Variants in MAP7D2 observed in about 807,000 individuals in gnomAD.
MAP7D2 encodes MAP7 domain-containing protein 2.
MAP7D2 carries 33 observed loss-of-function variants against 63.5 expected under a neutral mutation model. That is an observed-to-expected ratio of 0.52 (90% CI 0.39 to 0.70). The LOEUF is 0.70. Among genes scored for constraint, MAP7D2 ranks in the 30% least tolerant of loss-of-function variants. The pLI is 0.00. For missense variants in MAP7D2, 626 were observed against 604.0 expected, an observed-to-expected ratio of 1.04 and a Z score of -0.38; for synonymous variants, 224 against 223.7, an observed-to-expected ratio of 1.00 and a Z score of -0.01.
intron 1 of MAP7D2, among the ~76,000 whole-genome samples, chrX:20,066,936 A>G (rs1192138017): frequency 8.9e-6 from 1 of 112,521 alleles, no homozygotes; most frequent in Non-Finnish European, 1.9e-5. Flanking sequence ...CATGCACACA[A>G]TGCTCAGAGG....
At chrX:20,058,325 A>C (rs2065117896) in intron 3 of MAP7D2, among the ~76,000 whole-genome samples, 1 of 112,629 alleles carries the variant, frequency 8.9e-6, no homozygotes, top group South Asian at 3.6e-4. Flanking sequence ...GTTTAACGTA[A>C]AGTATTTAAC....
rs372154552 is a variant in MAP7D2, at chrX:20,082,282, G to A, written c.131-17477C>T. On this transcript the variant is annotated intron_variant, in intron 1 of 16. Transcript: ENST00000379643. ...AGTGGCTCATGCCTGTATTCCCAGT[G>A]CTTAGGAAGAAAGTGGGAGCATCGT... 1.1e-4 allele frequency among the ~76,000 whole-genome samples: 12 copies of A among 112,678 alleles called. No homozygotes were observed. In the East Asian group the frequency reaches 1.9e-3, roughly 18 times the overall value.
chrX:20,068,264 G>A (rs7063485), intron 1 of MAP7D2, among the ~76,000 whole-genome samples: 39,343 of 110,712 alleles, frequency 0.36, 7,777 homozygotes, highest in African/African-American at 0.76. Context: ...CACTTTAGGC[G>A]CTTAATAGCC....
chrX:20,063,232 C>T (rs1203701451), intron 3 of MAP7D2, among the ~76,000 whole-genome samples, 182 bp downstream of exon 3: 2 of 112,009 alleles, frequency 1.8e-5, no homozygotes, highest in African/African-American at 3.2e-5. Flanking sequence ...TAAGTCTCTG[C>T]GGTTCTATGT....
intron 1 of MAP7D2, 89 bp downstream of exon 1, chrX:20,116,661 G>C: frequency 9.6e-7 from 1 of 1,036,462 alleles, no homozygotes; most frequent in Non-Finnish European, 1.2e-6. Context: ...TTCCCCCCAC[G>C]CTCGAGGACC....
At chrX:20,062,637 C>G (rs1200011331) in intron 3 of MAP7D2, among the ~76,000 whole-genome samples, 1 of 111,397 alleles carries the variant, frequency 9.0e-6, no homozygotes, top group East Asian at 2.8e-4. Context: ...ATCATTATAC[C>G]TTATGAATAA....
intron 1 of MAP7D2, among the ~76,000 whole-genome samples, chrX:20,105,063 G>A (rs1401181152): frequency 2.7e-5 from 3 of 111,827 alleles, no homozygotes; most frequent in Non-Finnish European, 5.6e-5. Flanking sequence ...CACATATTAA[G>A]GTGTTGTTCT....
At chrX:20,096,081 C>CAAAAAAAAAAAAAAAAAAAAAAAAAA (rs1208579984) in intron 1 of MAP7D2, among the ~76,000 whole-genome samples, 5 of 14,893 alleles carry the variant, frequency 3.4e-4, no homozygotes, top group Non-Finnish European at 6.0e-4. Flanking sequence ...GACTCTTCCT[C>CAAAAAAAAAAAAAAAAAAAAAAAAAA]AAAAAAAAAA....
chrX:20,096,259 CTT>C (rs777881819), intron 1 of MAP7D2, among the ~76,000 whole-genome samples: 5 of 86,956 alleles, frequency 5.8e-5, no homozygotes, highest in Admixed American at 1.3e-4. Flanking sequence ...AGACCCTGTC[CTT>C]TTTTTTTTTT....
At position 20,008,002 on chromosome X, in the gene MAP7D2, C is replaced by T. The variant is rs1485005436; in HGVS notation, c.*423G>A. On this transcript the variant is annotated 3_prime_UTR_variant, in exon 17 of 17. Coordinates refer to ENST00000379643, the MANE Select transcript of MAP7D2 (RefSeq NM_001168465.2). The stretch of plus-strand genomic sequence containing the variant: ...CAGTGCAAGTTGAGTATATGTTGAA[C>T]TAGAGTTTGGGTAAATGTCTAGAAT... 8.9e-6 allele frequency: 1 copy of T among 111,879 alleles called. No individual in the cohort carries two copies. The highest frequency in any genetic ancestry group is 1.9e-5 in the Non-Finnish European group (1 of 53,189). The allele number at this position is 111,879 out of a possible 1,213,427, so 9.2% of individuals were successfully genotyped here. A position where few individuals can be genotyped will look rare whatever the true frequency, so the allele number is the denominator to read the frequency against.
At chrX:20,031,893 G>A (rs978256572) in intron 8 of MAP7D2, among the ~76,000 whole-genome samples, 1 of 111,822 alleles carries the variant, frequency 8.9e-6, no homozygotes, top group African/African-American at 3.3e-5. Flanking sequence ...GTTCTTAGGG[G>A]CAAAGGGGTA....
In MAP7D2 at chrX:20,094,552, A is replaced by ATATATATATATATATATATATATATGTG. The variant is rs2066194190; in HGVS notation, c.130+22197_130+22198insCACATATATATATATATATATATATATA. Among the ~76,000 whole-genome samples, 2 of 10,796 alleles carry ATATATATATATATATATATATATATGTG rather than the reference A, an allele frequency of 1.9e-4. 1 individual carries two copies. The highest frequency in any genetic ancestry group is 3.8e-3 in the Admixed American group (2 of 520). The allele number at this position is 10,796 out of a possible 115,157, so 9.4% of individuals were successfully genotyped here. ...TATATATATATATATGTATATATAT[A>ATATATATATATATATATATATATATGTG]TATATATATATATATACATATATAT... On this transcript the variant is annotated intron_variant, in intron 1 of 16. Transcript: ENST00000379643.
intron 1 of MAP7D2, among the ~76,000 whole-genome samples, chrX:20,105,224 G>A (rs2066537342): frequency 9.0e-6 from 1 of 111,450 alleles, no homozygotes; most frequent in Admixed American, 9.6e-5. Flanking sequence ...CAGAAAGTAG[G>A]AGAGAAAGAG....
At chrX:20,103,829 G>C (rs2066498554) in intron 1 of MAP7D2, among the ~76,000 whole-genome samples, 3 of 111,608 alleles carry the variant, frequency 2.7e-5, no homozygotes, top group African/African-American at 9.8e-5. Context: ...TACCTTGCAT[G>C]TCTTATCTCT....
Position 20,097,074 on chromosome X carries a change from C to T in MAP7D2, c.130+19676G>A, listed in dbSNP as rs1369894346. Among the ~76,000 whole-genome samples, 3 of 111,647 alleles carry T rather than the reference C, an allele frequency of 2.7e-5. No individual in the cohort carries two copies. The Admixed American group carries it at 2.9e-4, about 11-fold the overall frequency. On this transcript the variant is annotated intron_variant, in intron 1 of 16. Transcript: ENST00000379643. ...TATAAGGCAACCCCCTAGACCGGCA[C>T]TGTCCCATGGAATTTTTTGCAATGA... is the stretch of plus-strand genomic sequence containing the variant.
At chrX:20,032,404 T>A (rs2074077355) in intron 8 of MAP7D2, among the ~76,000 whole-genome samples, 1 of 110,715 alleles carries the variant, frequency 9.0e-6, no homozygotes, top group Non-Finnish European at 1.9e-5. Flanking sequence ...GCCACACATC[T>A]CCCAGAGAAG....
At chrX:20,090,222 T>A (rs1172147854) in intron 1 of MAP7D2, among the ~76,000 whole-genome samples, 7 of 110,067 alleles carry the variant, frequency 6.4e-5, no homozygotes, top group Non-Finnish European at 1.3e-4. Context: ...CGGCCGGGCA[T>A]GGTGGCTCAC....
chrX:20,053,010 A>G, intron 4 of MAP7D2, 22 bp from the exon 5 acceptor site: 1 of 1,092,012 alleles, frequency 9.2e-7, no homozygotes, highest in Non-Finnish European at 1.3e-6. Context: ...TGCATTAAAG[A>G]CATTGGTATT....
intron 7 of MAP7D2, among the ~76,000 whole-genome samples, chrX:20,043,570 T>C (rs900804863): frequency 8.9e-6 from 1 of 112,151 alleles, no homozygotes; most frequent in Non-Finnish European, 1.9e-5. Context: ...CCAGCCATGC[T>C]TTCAGATGAT....
Sources: gnomAD v4.1 joint callset for allele counts (sites outside exome capture counted in the v4.1 genomes callset) on GRCh38, gnomAD v4.1.1 for gene constraint, MANE v1.5 for transcripts, NCBI Gene and HGNC (gene_info 2026-07-23, HGNC 2026-07-21) for gene names.